ZNRF1: variants seen among roughly 807,000 people sequenced by gnomAD.
ZNRF1 encodes zinc and ring finger 1.
In ZNRF1, 3 loss-of-function variants were observed where a neutral mutation model predicts 18.4. The observed-to-expected ratio is 0.16, with a 90% confidence interval of 0.07 to 0.42. The LOEUF (loss-of-function observed/expected upper bound fraction) is 0.42. ZNRF1 is among the 10% of genes least tolerant of loss of function. ZNRF1 has a pLI of 0.99. For missense variants in ZNRF1, 310 were observed against 329.8 expected, an observed-to-expected ratio of 0.94 and a Z score of 0.47; for synonymous variants, 157 against 144.2, an observed-to-expected ratio of 1.09 and a Z score of -0.64.
At chr16:75,061,451 CCGGTTCCACTCATGTTGTTG>C (rs2035742714) in intron 1 of ZNRF1, among the ~76,000 whole-genome samples, 1 of 151,704 alleles carries the variant, frequency 6.6e-6, no homozygotes, top group South Asian at 2.1e-4. Flanking sequence ...ATAATGATCT[CCGGTTCCACTCATGTTGTTG>C]CAGATTACTG....
chr16:75,060,254 A>G (rs945484177), intron 1 of ZNRF1, among the ~76,000 whole-genome samples: 4 of 151,898 alleles, frequency 2.6e-5, no homozygotes, highest in African/African-American at 9.7e-5. Context: ...GGGTTTCACC[A>G]TATTGACCAA....
At chr16:75,016,388 G>A (rs1268565240) in intron 1 of ZNRF1, among the ~76,000 whole-genome samples, 5 of 151,430 alleles carry the variant, frequency 3.3e-5, no homozygotes, top group African/African-American at 9.7e-5. Flanking sequence ...ACAGGCACAC[G>A]CCACCACACC....
At chr16:75,014,828 A>C (rs565487162) in intron 1 of ZNRF1, among the ~76,000 whole-genome samples, 2 of 152,148 alleles carry the variant, frequency 1.3e-5, no homozygotes, top group South Asian at 4.1e-4. Flanking sequence ...ATTTTTGCCA[A>C]GCTCTAGTGG....
Position 75,095,620 on chromosome 16 carries a change from A to G in ZNRF1, c.520+1953A>G. 4 of 1,549,248 alleles carry G rather than the reference A, an allele frequency of 2.6e-6. 1 individual carries two copies. The South Asian group carries it at 4.8e-5, about 18-fold the overall frequency. The stretch of plus-strand genomic sequence containing the variant: ...TAGGAAGAATACAAAGAAGCCTCAG[A>G]GGGGCTCAGCCTGAGAAAACCTGGC... On this transcript the variant is annotated intron_variant, in intron 2 of 4. Coordinates refer to ENST00000335325, the MANE Select transcript of ZNRF1 (RefSeq NM_032268.5).
Position 75,078,439 on chromosome 16 carries a change from C to A in ZNRF1, c.425-15133C>A, listed in dbSNP as rs186016670. On this transcript the variant is annotated intron_variant, in intron 1 of 4. Coordinates refer to ENST00000335325, the MANE Select transcript of ZNRF1 (RefSeq NM_032268.5). ...TCAGCCTCCCGAATAGCTGGGATTA[C>A]AAGCACACATCACCATGCCCGGCTA... Among the ~76,000 whole-genome samples, 376 of 151,796 alleles carry A rather than the reference C, an allele frequency of 2.5e-3. 1 individual carries two copies. Among genetic ancestry groups the A allele is most frequent in the African/African-American group, 8.5e-3 (353 of 41,394 alleles).
chr16:75,012,246 C>T (rs1468515820), intron 1 of ZNRF1, among the ~76,000 whole-genome samples: 1 of 152,174 alleles, frequency 6.6e-6, no homozygotes, highest in African/African-American at 2.4e-5. Context: ...GTAGCATGAC[C>T]AGTGAGACTG....
chr16:75,028,605 C>T (rs917418819), intron 1 of ZNRF1, among the ~76,000 whole-genome samples: 1 of 152,210 alleles, frequency 6.6e-6, no homozygotes, highest in Non-Finnish European at 1.5e-5. Flanking sequence ...CCTGCTACTT[C>T]TTTTAAGACA....
intron 1 of ZNRF1, among the ~76,000 whole-genome samples, chr16:75,036,082 G>A (rs561764510): frequency 3.3e-5 from 5 of 152,194 alleles, no homozygotes; most frequent in East Asian, 3.9e-4. Flanking sequence ...GGTTGGGGGT[G>A]TGAGGGGACC....
intron 1 of ZNRF1, among the ~76,000 whole-genome samples, chr16:75,032,104 G>A (rs959652428): frequency 2.8e-5 from 3 of 108,650 alleles, no homozygotes; most frequent in African/African-American, 4.2e-5. Flanking sequence ...TTCTTGTGAG[G>A]TTTTTTTTTT....
intron 1 of ZNRF1, among the ~76,000 whole-genome samples, chr16:75,045,060 C>T (rs996594722): frequency 6.6e-6 from 1 of 152,204 alleles, no homozygotes; most frequent in Non-Finnish European, 1.5e-5. Context: ...GTCTTAGGAT[C>T]TTCTGGCAGG....
intron 1 of ZNRF1, among the ~76,000 whole-genome samples, chr16:75,027,822 C>T (rs1173783826): frequency 6.6e-6 from 1 of 152,216 alleles, no homozygotes; most frequent in East Asian, 1.9e-4. Flanking sequence ...TAACCTTAAA[C>T]AGGCCCCTAA....
chr16:75,017,653 G>A (rs954365360), intron 1 of ZNRF1, among the ~76,000 whole-genome samples: 1 of 152,132 alleles, frequency 6.6e-6, no homozygotes, highest in Admixed American at 6.6e-5. Flanking sequence ...CTAAAACTGA[G>A]ATCTCCTTTA....
intron 3 of ZNRF1, chr16:75,106,192 C>T (rs551119849): frequency 5.9e-5 from 24 of 404,210 alleles, no homozygotes; most frequent in Non-Finnish European, 1.1e-4. Flanking sequence ...CTCCTGGGCT[C>T]TGCACAGAAA....
At chr16:75,095,673 C>A (rs998458462) in intron 2 of ZNRF1, 1 of 1,549,954 alleles carries the variant, frequency 6.5e-7, no homozygotes. Context: ...CAAGAGCAGC[C>A]GTGGAGGACA....
rs1466221604 is a variant in ZNRF1, at chr16:74,999,415, C to T, written c.-257C>T. 1 of 338,542 alleles carries T rather than the reference C, an allele frequency of 3.0e-6. No homozygotes were observed. Among genetic ancestry groups the T allele is most frequent in the Non-Finnish European group, 5.3e-6 (1 of 188,252 alleles). 21.0% of individuals were successfully genotyped at this position (338,542 alleles called of 1,614,324 possible). ...GCGCGGAGCCCGCGCCGGACTGCGC[C>T]TCTTTGGACCTTGAGGGGAAACATG... On this transcript the variant is annotated 5_prime_UTR_variant, in exon 1 of 5. Transcript: ENST00000335325.
At position 75,099,047 on chromosome 16, in the gene ZNRF1, G is replaced by T. The variant is rs551821086; in HGVS notation, c.520+5380G>T. Among the ~76,000 whole-genome samples, 6 of 152,302 alleles carry T rather than the reference G, an allele frequency of 3.9e-5. No individual in the cohort carries two copies. The South Asian group carries it at 1.2e-3, about 32-fold the overall frequency. ...TCCTCTGCACACACTTCACAGAAAG[G>T]GGGAGATGCAAAGTGCCTGTGAGAC... On this transcript the variant is annotated intron_variant, in intron 2 of 4. Coordinates refer to ENST00000335325, the MANE Select transcript of ZNRF1 (RefSeq NM_032268.5).
intron 1 of ZNRF1, among the ~76,000 whole-genome samples, chr16:75,087,731 C>T (rs538219396): frequency 6.6e-6 from 1 of 152,240 alleles, no homozygotes; most frequent in Non-Finnish European, 1.5e-5. Flanking sequence ...GGGGTACGTT[C>T]CCTGCCTCTG....
Position 75,066,235 on chromosome 16 carries a change from A to C in ZNRF1, c.425-27337A>C, listed in dbSNP as rs78595651. ...TACCTCTGTTACAAAAACTCCAAAT[A>C]AAGTATCAGATAACTGGCCTAATAG... On this transcript the variant is annotated intron_variant, in intron 1 of 4. Coordinates refer to ENST00000335325, the MANE Select transcript of ZNRF1 (RefSeq NM_032268.5). 2.4e-3 allele frequency among the ~76,000 whole-genome samples: 358 copies of C among 152,334 alleles called. 4 individuals carry two copies. Among genetic ancestry groups the C allele is most frequent in the African/African-American group, 8.3e-3 (345 of 41,578 alleles).
intron 1 of ZNRF1, among the ~76,000 whole-genome samples, chr16:75,059,671 T>A (rs2035718729): frequency 6.6e-6 from 1 of 152,146 alleles, no homozygotes; most frequent in South Asian, 2.1e-4. Flanking sequence ...TATCTGATCC[T>A]TCCATTTCTG....
Sources: allele counts gnomAD v4.1 joint callset (sites outside exome capture counted in the v4.1 genomes callset), GRCh38; gene constraint gnomAD v4.1.1; transcripts MANE v1.5; gene names NCBI Gene and HGNC (gene_info 2026-07-23, HGNC 2026-07-21).